The following TEC variants were observed in gnomAD, a reference collection of about 807,000 sequenced individuals.
TEC encodes tyrosine-protein kinase Tec.
TEC carries 72 observed loss-of-function variants against 93.0 expected under a neutral mutation model. That is an observed-to-expected ratio of 0.77 (90% CI 0.64 to 0.94). TEC has a LOEUF of 0.94. TEC is among the 40% of genes least tolerant of loss of function. TEC has a pLI of 0.00. For missense variants in TEC, 630 were observed against 757.9 expected (o/e 0.83, Z 1.98); for synonymous variants, 249 against 247.7 (o/e 1.01, Z -0.05).
chr4:48,173,248 C>T (rs1303426780), intron 3 of TEC, among the ~76,000 whole-genome samples: 2 of 152,156 alleles, frequency 1.3e-5, no homozygotes, highest in African/African-American at 2.4e-5. Context: ...CGTGTCAGTA[C>T]CGTGAGCCTG....
Position 48,137,333 on chromosome 4 carries a change from C to T in TEC, c.*83G>A. ...TGTATAAGTAAAATGATCTACATGT[C>T]CAAGTGCTCAATAAATTAAAAGCCA... On this transcript the variant is annotated 3_prime_UTR_variant, in exon 18 of 18. Coordinates refer to ENST00000381501, the MANE Select transcript of TEC (RefSeq NM_003215.3). 2 of 1,081,848 alleles carry T rather than the reference C, an allele frequency of 1.8e-6. No homozygotes were observed. Among genetic ancestry groups the T allele is most frequent in the African/African-American group, 1.6e-5 (1 of 63,188 alleles). The allele number at this position is 1,081,848 out of a possible 1,614,324, so 67.0% of individuals were successfully genotyped here.
chr4:48,177,310 A>G (rs1249419815), intron 2 of TEC, among the ~76,000 whole-genome samples: 3 of 152,272 alleles, frequency 2.0e-5, no homozygotes, highest in Admixed American at 2.0e-4. Context: ...TTGCATAAAG[A>G]CTAAGGTTAC....
intron 2 of TEC, among the ~76,000 whole-genome samples, chr4:48,179,352 A>G (rs868666401): frequency 3.5e-5 from 1 of 28,176 alleles, no homozygotes; most frequent in African/African-American, 1.5e-4. Context: ...ATATATATAT[A>G]TATATATATA....
intron 2 of TEC, among the ~76,000 whole-genome samples, chr4:48,225,271 T>C (rs371608791): frequency 1.2e-4 from 19 of 152,222 alleles, no homozygotes; most frequent in African/African-American, 4.6e-4. Flanking sequence ...GCCTCCTGGC[T>C]CCAAGCAATT....
In TEC at chr4:48,212,110, A is replaced by AATATAT. The variant is rs1553892127; in HGVS notation, c.138+16361_138+16366dup. 8.8e-4 allele frequency among the ~76,000 whole-genome samples: 107 copies of AATATAT among 122,234 alleles called. 1 individual carries two copies. Among genetic ancestry groups the AATATAT allele is most frequent in the Admixed American group, 1.8e-3 (18 of 10,100 alleles). The allele number at this position is 122,234 out of a possible 152,430, so 80.2% of individuals were successfully genotyped here. On this transcript the variant is annotated intron_variant, in intron 2 of 17. Transcript: ENST00000381501. ...TGAGACTCTGTCTCAAAAAAAAAAA[A>AATATAT]ATATATATATATATATATATATGTA...
intron 1 of TEC, among the ~76,000 whole-genome samples, chr4:48,246,474 A>G (rs1724060296): frequency 1.3e-5 from 2 of 152,144 alleles, no homozygotes; most frequent in Non-Finnish European, 2.9e-5. Context: ...CTTGAAAAAA[A>G]AAAAAGAACA....
At chr4:48,142,284 A>G (rs1577693540) in intron 14 of TEC, among the ~76,000 whole-genome samples, 1 of 152,208 alleles carries the variant, frequency 6.6e-6, no homozygotes, top group African/African-American at 2.4e-5. Flanking sequence ...CAGCCTGGCC[A>G]ACATGACAAA....
chr4:48,212,954 T>C (rs1438787677), intron 2 of TEC, among the ~76,000 whole-genome samples: 2 of 152,198 alleles, frequency 1.3e-5, no homozygotes, highest in Admixed American at 6.5e-5. Context: ...GTACAAGTGA[T>C]GAAGAAAGTA....
intron 3 of TEC, among the ~76,000 whole-genome samples, chr4:48,175,371 G>A (rs1466996): frequency 0.38 from 57,689 of 152,064 alleles, 11,970 homozygotes; most frequent in East Asian, 0.9. Context: ...ATGGGTAAAA[G>A]GCGACTTTCA....
Position 48,214,840 on chromosome 4 carries a change from C to A in TEC, c.138+13637G>T, listed in dbSNP as rs369198413. On this transcript the variant is annotated intron_variant, in intron 2 of 17. Transcript: ENST00000381501. ...CTGCACTCCAACCCGGATGACAGAGCAAGACCCTGTCTCAAAAATAAAAAT... is the reference window on the plus strand; with the variant it reads ...CTGCACTCCAACCCGGATGACAGAGAAAGACCCTGTCTCAAAAATAAAAAT... 4.6e-5 allele frequency among the ~76,000 whole-genome samples: 7 copies of A among 151,996 alleles called. No homozygotes were observed. In the East Asian group the frequency reaches 7.7e-4, roughly 17 times the overall value.
intron 2 of TEC, among the ~76,000 whole-genome samples, chr4:48,185,293 G>A (rs1387991319): frequency 1.3e-5 from 2 of 152,136 alleles, no homozygotes; most frequent in East Asian, 1.9e-4. Flanking sequence ...TTTCCACTCA[G>A]AACAGATTTA....
chr4:48,251,951 A>G (rs188413753), intron 1 of TEC, among the ~76,000 whole-genome samples: 1 of 152,332 alleles, frequency 6.6e-6, no homozygotes, highest in Non-Finnish European at 1.5e-5. Context: ...TGGTTTTTAC[A>G]AAGACGAAGA....
At position 48,145,985 on chromosome 4, in the gene TEC, A is replaced by C. The variant is rs78047994; in HGVS notation, c.1081+340T>G. On this transcript the variant is annotated intron_variant, in intron 12 of 17. Coordinates refer to ENST00000381501, the MANE Select transcript of TEC (RefSeq NM_003215.3). Reference sequence around the variant, plus strand: ...TAAAGGCTTTTGCCAGAAGCAACAAAGACAATTAAGTTGGAAGCTTGCTTT... The same window carrying C: ...TAAAGGCTTTTGCCAGAAGCAACAACGACAATTAAGTTGGAAGCTTGCTTT... Among the ~76,000 whole-genome samples, 1,093 of 152,302 alleles carry C rather than the reference A, an allele frequency of 7.2e-3. 15 individuals carry two copies. Among genetic ancestry groups the C allele is most frequent in the African/African-American group, 0.025 (1,030 of 41,550 alleles).
At position 48,201,952 on chromosome 4, in the gene TEC, A is replaced by ATTTTT. The variant is rs780630248; in HGVS notation, c.139-25771_139-25767dup. The stretch of plus-strand genomic sequence containing the variant: ...GCCAGATTCCAAAGTACTGTGGCTT[A>ATTTTT]TTTTTTTTTTTTTTTTTTTTTTGAG... On this transcript the variant is annotated intron_variant, in intron 2 of 17. Coordinates refer to ENST00000381501, the MANE Select transcript of TEC (RefSeq NM_003215.3). Among the ~76,000 whole-genome samples the ATTTTT allele has an allele frequency of 1.9e-3, 224 of 116,512 alleles. 3 individuals carry two copies. The highest frequency in any genetic ancestry group is 9.5e-3 in the East Asian group (40 of 4,200). The allele number at this position is 116,512 out of a possible 152,430, so 76.4% of individuals were successfully genotyped here. A position where few individuals can be genotyped will look rare whatever the true frequency, so the allele number is the denominator to read the frequency against.
At chr4:48,148,214 T>C (rs533924964) in intron 11 of TEC, among the ~76,000 whole-genome samples, 1 of 152,282 alleles carries the variant, frequency 6.6e-6, no homozygotes, top group Non-Finnish European at 1.5e-5. Flanking sequence ...AACCACTGAA[T>C]TGTATACTTT....
chr4:48,141,675 T>TTC (rs1233587238), intron 14 of TEC: 4 of 330,534 alleles, frequency 1.2e-5, no homozygotes, highest in Non-Finnish European at 2.1e-5. Context: ...CTTTTTTTTT[T>TTC]CTTTTCTTTC....
At chr4:48,238,399 G>A (rs772364088) in intron 1 of TEC, among the ~76,000 whole-genome samples, 47 of 152,124 alleles carry the variant, frequency 3.1e-4, no homozygotes, top group Non-Finnish European at 5.4e-4. Flanking sequence ...AGCACCAAGA[G>A]ATCTGCATAA....
Position 48,143,425 on chromosome 4 carries a change from C to G in TEC, c.1470+1654G>C, listed in dbSNP as rs531885422. On this transcript the variant is annotated intron_variant, in intron 14 of 17. Coordinates refer to ENST00000381501, the MANE Select transcript of TEC (RefSeq NM_003215.3). ...TATTTTGTTCTTAGTTCTTAGTTCA[C>G]AAGTTTTAACTGACGAGATGTTCTT... 4.6e-5 allele frequency among the ~76,000 whole-genome samples: 7 copies of G among 152,328 alleles called. No homozygotes were observed. In the South Asian group the frequency reaches 1.4e-3, roughly 32 times the overall value.
intron 5 of TEC, among the ~76,000 whole-genome samples, chr4:48,169,464 A>G (rs1468925386): frequency 6.6e-6 from 1 of 152,146 alleles, no homozygotes; most frequent in Non-Finnish European, 1.5e-5. Context: ...TCCCAAGAGA[A>G]TCAGGGTGCC....
Sources: gnomAD v4.1 joint callset for allele counts (sites outside exome capture counted in the v4.1 genomes callset) on GRCh38, gnomAD v4.1.1 for gene constraint, MANE v1.5 for transcripts, NCBI Gene and HGNC (gene_info 2026-07-23, HGNC 2026-07-21) for gene names.